The following NXN variants were observed in gnomAD, a reference collection of about 807,000 sequenced individuals.
NXN encodes the protein nucleoredoxin.
In NXN, 16 loss-of-function variants were observed where a neutral mutation model predicts 48.6. The ratio of observed to expected loss-of-function variants is 0.33; its 90% CI spans 0.22 to 0.50. NXN has a LOEUF of 0.50. Among genes scored for constraint, NXN ranks in the 20% least tolerant of loss-of-function variants. The pLI is 0.98. For missense variants in NXN, 492 were observed against 605.5 expected, an observed-to-expected ratio of 0.81 and a Z score of 1.97; for synonymous variants, 281 against 269.6, an observed-to-expected ratio of 1.04 and a Z score of -0.41.
chr17:969,883 C>G (rs779060388), intron 1 of NXN, among the ~76,000 whole-genome samples: 3 of 152,176 alleles, frequency 2.0e-5, no homozygotes, highest in Non-Finnish European at 4.4e-5. Flanking sequence ...TGTTTGGTGA[C>G]TGTTCGACAA....
At chr17:953,424 A>C (rs1597272079) in intron 1 of NXN, among the ~76,000 whole-genome samples, 1 of 152,044 alleles carries the variant, frequency 6.6e-6, no homozygotes, top group Admixed American at 6.6e-5. Context: ...CAAAAAAAGA[A>C]AAGACTATGA....
At chr17:868,694 A>G (rs1040227574) in intron 1 of NXN, among the ~76,000 whole-genome samples, 10 of 151,960 alleles carry the variant, frequency 6.6e-5, no homozygotes, top group East Asian at 3.9e-4. Flanking sequence ...GGGTTTCACC[A>G]CGTTAGCCAG....
At chr17:846,200 A>C (rs1291306983) in intron 1 of NXN, among the ~76,000 whole-genome samples, 1 of 152,064 alleles carries the variant, frequency 6.6e-6, no homozygotes, top group Admixed American at 6.5e-5. Flanking sequence ...AGGCCAAGGC[A>C]GGTGGATCAC....
intron 1 of NXN, chr17:909,928 C>G (rs181226758): frequency 2.0e-5 from 3 of 152,266 alleles, no homozygotes; most frequent in Non-Finnish European, 4.4e-5. Context: ...TCTTAAAAAA[C>G]GCTGGTGAGT....
At chr17:837,681 T>C (rs1239020108) in intron 1 of NXN, among the ~76,000 whole-genome samples, 1 of 152,206 alleles carries the variant, frequency 6.6e-6, no homozygotes, top group Non-Finnish European at 1.5e-5. Flanking sequence ...TTCTCTCGCT[T>C]TGCCCGATGG....
chr17:960,817 G>A (rs1210688975), intron 1 of NXN, among the ~76,000 whole-genome samples: 2 of 133,202 alleles, frequency 1.5e-5, no homozygotes, highest in Admixed American at 1.5e-4. Context: ...ATGGTGTCTC[G>A]CTCTGCCACC....
Position 920,194 on chromosome 17 carries a change from C to T in NXN, c.360+59125G>A, listed in dbSNP as rs750650536. Among the ~76,000 whole-genome samples, 49 of 152,040 alleles carry T rather than the reference C, an allele frequency of 3.2e-4. 1 individual carries two copies. The highest frequency in any genetic ancestry group is 6.3e-4 in the Non-Finnish European group (43 of 68,010). ...GGATGACAAGCACGAGCCATCACGC[C>T]CAGTCTACACCCCGAAATCCAACAT... On this transcript the variant is annotated intron_variant, in intron 1 of 7. Coordinates refer to ENST00000336868, the MANE Select transcript of NXN (RefSeq NM_022463.5). The surrounding 1 kb of genome is among the most constrained non-coding windows in gnomAD (Gnocchi z 4.6).
chr17:951,554 G>C (rs1464564742), intron 1 of NXN, among the ~76,000 whole-genome samples: 1 of 150,408 alleles, frequency 6.6e-6, no homozygotes, highest in African/African-American at 2.4e-5. Context: ...TTAAAAATGC[G>C]AGCTGGGGGC....
intron 1 of NXN, among the ~76,000 whole-genome samples, chr17:935,584 G>A (rs1028890028): frequency 1.7e-4 from 26 of 152,100 alleles, no homozygotes; most frequent in African/African-American, 1.7e-4. Flanking sequence ...TGAGCTCTGC[G>A]CTCATTCACT....
At chr17:906,862 G>A (rs1474717860) in intron 1 of NXN, among the ~76,000 whole-genome samples, 2 of 151,868 alleles carry the variant, frequency 1.3e-5, no homozygotes, top group Non-Finnish European at 2.9e-5. Context: ...GTGAGCCACC[G>A]TGCCCGGCTG....
At chr17:802,792 A>G (rs1162949130) in intron 7 of NXN, among the ~76,000 whole-genome samples, 1 of 152,210 alleles carries the variant, frequency 6.6e-6, no homozygotes, top group Non-Finnish European at 1.5e-5. Context: ...AATGGGTGGC[A>G]CAGGGTGTCT....
At chr17:922,142 C>T (rs977016298) in intron 1 of NXN, among the ~76,000 whole-genome samples, 2 of 152,106 alleles carry the variant, frequency 1.3e-5, no homozygotes, top group African/African-American at 4.8e-5. Context: ...AGGGATATGA[C>T]TTAAAGCTGT....
At chr17:807,468 G>A (rs554679178) in intron 5 of NXN, among the ~76,000 whole-genome samples, 21 of 152,202 alleles carry the variant, frequency 1.4e-4, no homozygotes, top group African/African-American at 2.4e-4. Context: ...CCGGCTCAGC[G>A]CCTGGGGCTC....
chr17:963,547 A>G (rs1418546564), intron 1 of NXN, among the ~76,000 whole-genome samples: 1 of 152,162 alleles, frequency 6.6e-6, no homozygotes, highest in Non-Finnish European at 1.5e-5. Flanking sequence ...GGTTGCAGTG[A>G]GCCAAGATCG....
chr17:846,431 AG>A (rs375423708), intron 1 of NXN, among the ~76,000 whole-genome samples: 5,724 of 103,112 alleles, frequency 0.056, 208 homozygotes, highest in East Asian at 0.23. Flanking sequence ...AAAAAAAAAA[AG>A]AAAAGAAAAA....
intron 5 of NXN, among the ~76,000 whole-genome samples, chr17:812,582 CGT>C (rs763259380): frequency 1.6e-4 from 24 of 151,686 alleles, no homozygotes; most frequent in Admixed American, 5.9e-4. Flanking sequence ...TGTGTGTGCA[CGT>C]GTGTGTGATG....
At position 810,486 on chromosome 17, in the gene NXN, G is replaced by T. The variant is rs80186891; in HGVS notation, c.821-5239C>A. On this transcript the variant is annotated intron_variant, in intron 5 of 7. Coordinates refer to ENST00000336868, the MANE Select transcript of NXN (RefSeq NM_022463.5). The stretch of plus-strand genomic sequence containing the variant: ...AGATGAAAATCAGAACTGAAAGGCC[G>T]TGGGGGTGAGATGGGATGACAAACA... 1.8e-3 allele frequency among the ~76,000 whole-genome samples: 275 copies of T among 152,326 alleles called. 2 individuals are homozygous for T. Among genetic ancestry groups the T allele is most frequent in the African/African-American group, 6.1e-3 (255 of 41,574 alleles).
At chr17:839,780 C>T (rs1056298409) in intron 1 of NXN, among the ~76,000 whole-genome samples, 37 of 80,298 alleles carry the variant, frequency 4.6e-4, no homozygotes, top group East Asian at 5.3e-4. Context: ...TCCAGCCTGG[C>T]GACAGAGAGA....
At chr17:925,498 C>T (rs995065081) in intron 1 of NXN, among the ~76,000 whole-genome samples, 1 of 152,238 alleles carries the variant, frequency 6.6e-6, no homozygotes, top group Non-Finnish European at 1.5e-5. Flanking sequence ...AAGCGATTCT[C>T]CTGCCTCAGC....
Sources: gnomAD v4.1 joint callset for allele counts (sites outside exome capture counted in the v4.1 genomes callset) on GRCh38, gnomAD v4.1.1 for gene constraint, Gnocchi (gnomAD v3.1) non-coding constraint, MANE v1.5 for transcripts, NCBI Gene and HGNC (gene_info 2026-07-23, HGNC 2026-07-21) for gene names.